The following ACSL1 variants were observed in gnomAD, a reference collection of about 807,000 sequenced individuals.
The protein encoded by ACSL1 is acyl-CoA synthetase long chain family member 1.
Under a neutral mutation model 98.4 loss-of-function variants are expected in ACSL1, and 41 were observed. The ratio of observed to expected loss-of-function variants is 0.42; its 90% CI spans 0.32 to 0.54. The LOEUF (loss-of-function observed/expected upper bound fraction) is 0.54. Ranked by LOEUF, ACSL1 falls within the 20% of genes least tolerant of loss-of-function variation. The probability of loss-of-function intolerance (pLI) is 0.13; values close to 1 mark genes in which losing one functional copy is unlikely to be tolerated. For synonymous variants in ACSL1, 316 were observed against 322.7 expected, an observed-to-expected ratio of 0.98 and a Z score of 0.22; for missense variants, 734 against 883.1, an observed-to-expected ratio of 0.83 and a Z score of 2.14.
chr4:184,814,028 C>T (rs1399546617), intron 1 of ACSL1: 13 of 379,642 alleles, frequency 3.4e-5, no homozygotes, highest in African/African-American at 1.5e-4. Flanking sequence ...CAGTGGCTCA[C>T]GCCTGTAATC....
In ACSL1 at chr4:184,773,386, A is replaced by G. The variant is rs1764794354; in HGVS notation, c.842-232T>C. On this transcript the variant is annotated intron_variant, in intron 9 of 20. Transcript: ENST00000281455. The surrounding 1 kb of genome is among the most constrained non-coding windows in gnomAD (Gnocchi z 4.3). ...GGTATATACGTAGTCATAAGAGAAGAAAAACCAGAAATTTTCTTCCTGGGA... is the reference window on the plus strand; with the variant it reads ...GGTATATACGTAGTCATAAGAGAAGGAAAACCAGAAATTTTCTTCCTGGGA... Among the ~76,000 whole-genome samples the G allele has an allele frequency of 6.6e-6, 1 of 152,248 alleles. No homozygotes were observed. Among genetic ancestry groups the G allele is most frequent in the Non-Finnish European group, 1.5e-5 (1 of 68,044 alleles).
intron 2 of ACSL1, among the ~76,000 whole-genome samples, chr4:184,793,795 C>T (rs1230192608): frequency 1.3e-5 from 2 of 152,152 alleles, no homozygotes; most frequent in Non-Finnish European, 2.9e-5. Context: ...CATGTAGAAC[C>T]ACAGTCCGGG....
intron 2 of ACSL1, chr4:184,799,056 G>C (rs1407431166): frequency 2.0e-5 from 3 of 151,182 alleles, no homozygotes. Context: ...GAAGGACAGA[G>C]TCACTCAGGT....
At chr4:184,825,973 C>G (rs1018651813), upstream of ACSL1, 1 of 148,566 alleles carries the variant, frequency 6.7e-6, no homozygotes, top group Non-Finnish European at 1.5e-5. The surrounding 1 kb of genome is among the most constrained non-coding windows in gnomAD (Gnocchi z 4.7). Flanking sequence ...CTCCCTGCCC[C>G]GCGCCGGCTC....
intron 4 of ACSL1, among the ~76,000 whole-genome samples, chr4:184,781,466 T>C (rs533735915): frequency 6.6e-6 from 1 of 152,228 alleles, no homozygotes; most frequent in South Asian, 2.1e-4. Context: ...CATATTATAA[T>C]AACTAAGTAA....
intron 1 of ACSL1, among the ~76,000 whole-genome samples, chr4:184,811,959 A>G (rs1459639252): frequency 6.6e-6 from 1 of 152,146 alleles, no homozygotes; most frequent in Non-Finnish European, 1.5e-5. Context: ...AGGAGACAGG[A>G]GGGTGATTTG....
chr4:184,772,930 G>A (rs1394878588), intron 10 of ACSL1, 151 bp downstream of exon 10: 2 of 589,340 alleles, frequency 3.4e-6, no homozygotes, highest in Non-Finnish European at 5.8e-6. Flanking sequence ...AGAGAAGGTG[G>A]ACTTGGGCCT....
Position 184,803,304 on chromosome 4 carries a change from T to C in ACSL1, c.195+16A>G. On this transcript the variant is annotated intron_variant, in intron 2 of 20. Coordinates refer to ENST00000281455, the MANE Select transcript of ACSL1 (RefSeq NM_001995.5). This position sits in a 1 kb window ranked among gnomAD's most constrained non-coding sequence, Gnocchi z 4.8. ...TGCGGAGAAAACGCACGAGGCAGGC[T>C]GGGCCCTCCACTCACCGCCACTTCC... 1 of 1,545,710 alleles carries C rather than the reference T, an allele frequency of 6.5e-7. No homozygotes were observed. Among genetic ancestry groups the C allele is most frequent in the Non-Finnish European group, 8.7e-7 (1 of 1,142,948 alleles).
chr4:184,787,331 G>A (rs1409150567), intron 3 of ACSL1, among the ~76,000 whole-genome samples: 1 of 152,232 alleles, frequency 6.6e-6, no homozygotes, highest in East Asian at 1.9e-4. Flanking sequence ...CTGTTCTCAA[G>A]GAGCTCGGGC....
chr4:184,808,540 G>A (rs372563941), intron 1 of ACSL1: 9 of 978,726 alleles, frequency 9.2e-6, no homozygotes, highest in East Asian at 1.1e-4. Flanking sequence ...CTGCCATTCC[G>A]TGCCCCGCCT....
intron 1 of ACSL1, among the ~76,000 whole-genome samples, chr4:184,812,006 C>G (rs573422321): frequency 6.6e-6 from 1 of 152,118 alleles, no homozygotes; most frequent in South Asian, 2.1e-4. Flanking sequence ...TCCTCAGGGC[C>G]CTCCTTCATG....
intron 1 of ACSL1, among the ~76,000 whole-genome samples, chr4:184,823,674 A>G (rs1773240079): frequency 6.6e-6 from 1 of 152,234 alleles, no homozygotes; most frequent in Non-Finnish European, 1.5e-5. Flanking sequence ...GACATTAAGC[A>G]TGCTAGAAAG....
At chr4:184,818,162 G>T (rs769979942) in intron 1 of ACSL1, among the ~76,000 whole-genome samples, 1 of 152,200 alleles carries the variant, frequency 6.6e-6, no homozygotes, top group South Asian at 2.1e-4. Flanking sequence ...AAGCTTGCCT[G>T]AGGCGCAATG....
intron 2 of ACSL1, among the ~76,000 whole-genome samples, chr4:184,798,059 CA>C (rs1239609736): frequency 6.6e-6 from 1 of 152,174 alleles, no homozygotes; most frequent in African/African-American, 2.4e-5. Flanking sequence ...ACCTGGAGGT[CA>C]AGAGATCGTT....
In ACSL1 at chr4:184,819,729, G is replaced by A. The variant is rs151107673; in HGVS notation, c.-33+6187C>T. On this transcript the variant is annotated intron_variant, in intron 1 of 20. Transcript: ENST00000281455. ...CAGAAGCCCCTGACAGGCAAGGTAAGTAAACACCTGGAGCCTTATGGAGGG... is the reference window on the plus strand; with the variant it reads ...CAGAAGCCCCTGACAGGCAAGGTAAATAAACACCTGGAGCCTTATGGAGGG... Among the ~76,000 whole-genome samples the A allele has an allele frequency of 1.1e-3, 165 of 152,228 alleles. 1 individual carries two copies. Among genetic ancestry groups the A allele is most frequent in the African/African-American group, 3.7e-3 (152 of 41,536 alleles).
chr4:184,800,603 C>G (rs951794899), intron 2 of ACSL1, among the ~76,000 whole-genome samples: 1 of 152,224 alleles, frequency 6.6e-6, no homozygotes, highest in Non-Finnish European at 1.5e-5. Flanking sequence ...AGTCACAGAG[C>G]AGCAGCAGCA....
intron 1 of ACSL1, among the ~76,000 whole-genome samples, chr4:184,804,095 G>C (rs1405433951): frequency 6.6e-6 from 1 of 152,202 alleles, no homozygotes; most frequent in Non-Finnish European, 1.5e-5. Context: ...CACGACAACA[G>C]TGGCAATATA....
intron 1 of ACSL1, among the ~76,000 whole-genome samples, chr4:184,823,633 A>G (rs1269516645): frequency 6.6e-6 from 1 of 152,238 alleles, no homozygotes; most frequent in African/African-American, 2.4e-5. Context: ...TCCACAAAAC[A>G]GTTACATCAA....
chr4:184,777,464 T>C (rs1198077274), intron 5 of ACSL1, among the ~76,000 whole-genome samples: 1 of 145,914 alleles, frequency 6.9e-6, no homozygotes, highest in Non-Finnish European at 1.5e-5. Context: ...TATGTATGTA[T>C]GTATGCATGT....
Sources: allele counts gnomAD v4.1 joint callset (sites outside exome capture counted in the v4.1 genomes callset), GRCh38; gene constraint gnomAD v4.1.1; non-coding constraint Gnocchi (gnomAD v3.1); transcripts MANE v1.5; gene names NCBI Gene and HGNC (gene_info 2026-07-23, HGNC 2026-07-21).